The following ERI2 variants were observed in gnomAD, a reference collection of about 807,000 sequenced individuals.
ERI2 encodes ERI1 exoribonuclease family member 2.
A neutral mutation model predicts 46.8 loss-of-function variants in ERI2; 35 were observed. The ratio of observed to expected loss-of-function variants is 0.75; its 90% CI spans 0.57 to 0.99. ERI2 has a LOEUF of 0.99. ERI2 is among the 50% of genes least tolerant of loss of function. The probability of loss-of-function intolerance (pLI) is 0.00; values close to 1 mark genes in which losing one functional copy is unlikely to be tolerated. For missense variants in ERI2, 695 were observed against 796.2 expected, an observed-to-expected ratio of 0.87 and a Z score of 1.53; for synonymous variants, 224 against 271.0, an observed-to-expected ratio of 0.83 and a Z score of 1.70.
At position 20,799,317 on chromosome 16, in the gene ERI2, A is replaced by G. The variant is rs904968523; in HGVS notation, c.678T>C (p.Ala226=). ...CACAACCATCTCTGATCATTTTCCA[A>G]GCAAGAAGGGCAGTATTCCGAGAAT... ...LDDSRNTALL[A]WKMIRDGCVM... is the part of the protein sequence containing the mutation. Residue 226 remains alanine, a synonymous_variant, in exon 8 of 9, where the codon GCT becomes GCC. Coordinates refer to ENST00000357967, the MANE Select transcript of ERI2 (RefSeq NM_001142725.2). The G allele has an allele frequency of 4.0e-5, 64 of 1,613,666 alleles. No individual in the cohort carries two copies. Among genetic ancestry groups the G allele is most frequent in the Non-Finnish European group, 5.3e-5 (63 of 1,179,742 alleles).
intron 10 of ERI2, chr16:20,781,114 C>T (rs550153768): frequency 2.0e-5 from 32 of 1,613,880 alleles, no homozygotes; most frequent in East Asian, 4.5e-5. Context: ...CGTTTTGAGC[C>T]GACTTCTATC....
intron 1 of ERI2, among the ~76,000 whole-genome samples, chr16:20,805,494 G>A (rs1184402016): frequency 4.6e-5 from 7 of 151,782 alleles, no homozygotes; most frequent in South Asian, 2.1e-4. Flanking sequence ...TTCCTTCCCC[G>A]TCTAATTAGG....
In ERI2 at chr16:20,790,569, T is replaced by A; in HGVS notation, c.815+281A>T. On this transcript the variant is annotated intron_variant, in intron 9 of 10. Transcript: ENST00000300005. This position sits in a 1 kb window ranked among gnomAD's most constrained non-coding sequence, Gnocchi z 4.0. ...TAAACAAAAATTTCCTTAAATAAAT[T>A]GTTCTATTTTATCCTAGATTGTAGA... 3.1e-6 allele frequency: 5 copies of A among 1,591,440 alleles called. No individual in the cohort carries two copies. Among genetic ancestry groups the A allele is most frequent in the Non-Finnish European group, 3.4e-6 (4 of 1,164,950 alleles).
At chr16:20,793,482 T>A (rs2080649031), downstream of ERI2, among the ~76,000 whole-genome samples, 1 of 150,224 alleles carries the variant, frequency 6.7e-6, no homozygotes, top group African/African-American at 2.4e-5. Context: ...AAAATAAAAA[T>A]AAAAATAAAA....
At chr16:20,793,798 T>A (rs2080659320), downstream of ERI2, among the ~76,000 whole-genome samples, 1 of 152,230 alleles carries the variant, frequency 6.6e-6, no homozygotes, top group South Asian at 2.1e-4. Context: ...GAGTCTTAGC[T>A]CTTCCTGTAC....
At chr16:20,796,286 A>G, downstream of ERI2, 1 of 1,548,918 alleles carries the variant, frequency 6.5e-7, no homozygotes, top group Non-Finnish European at 8.7e-7. Context: ...CCAGGCATGT[A>G]GATTCTCAGA....
At chr16:20,788,920 T>C (rs1845480283) in intron 10 of ERI2, among the ~76,000 whole-genome samples, 1 of 152,226 alleles carries the variant, frequency 6.6e-6, no homozygotes, top group Admixed American at 6.5e-5. Flanking sequence ...TAGAATTCCT[T>C]TGCCATTTAA....
rs139768270 is a variant in ERI2 at position 20,790,265 on chromosome 16, T to C, written c.815+585A>G. 1.3e-3 allele frequency among the ~76,000 whole-genome samples: 205 copies of C among 152,218 alleles called. 1 individual carries two copies. Among genetic ancestry groups the C allele is most frequent in the African/African-American group, 4.7e-3 (197 of 41,552 alleles). ...CCAGGAACCAGCCTGGGCAACATAA[T>C]GAGTCCCTCATCCCTACAAAAAATA... On this transcript the variant is annotated intron_variant, in intron 9 of 10. Coordinates refer to the ERI2 transcript ENST00000300005. The surrounding 1 kb of genome is among the most constrained non-coding windows in gnomAD (Gnocchi z 4.0).
chr16:20,801,390 A>C, intron 4 of ERI2, 31 bp from the exon 5 acceptor site: 1 of 1,553,988 alleles, frequency 6.4e-7, no homozygotes, highest in Non-Finnish European at 8.7e-7. Context: ...GCTGAATTCA[A>C]CAATCAAATT....
intron 10 of ERI2, among the ~76,000 whole-genome samples, chr16:20,785,568 GAATGAAATAAGAACAAAA>G (rs973102557): frequency 2.7e-4 from 41 of 151,764 alleles, no homozygotes; most frequent in East Asian, 7.7e-4. Flanking sequence ...TAGAGGAAAT[GAATGAAATAAGAACAAAA>G]AATGAAATAA....
In ERI2 at chr16:20,798,317, C is replaced by T; in HGVS notation, c.1483G>A (p.Asp495Asn). Reference sequence around the variant, plus strand: ...TCAGGTAACTTAAAGGCAGAAATATCTGAACCTGGATCTTTGGCTTCTTTT... The same window carrying T: ...TCAGGTAACTTAAAGGCAGAAATATTTGAACCTGGATCTTTGGCTTCTTTT... ...NVKEAKDPGS[D>N]ISAFKLPEHK... is the part of the protein sequence containing the mutation. The change falls in exon 9 of 9, where the codon GAT (aspartate) becomes AAT (asparagine). Residue 495 changes from aspartate (D) to asparagine (N), a missense_variant. Transcript: ENST00000357967. The T allele has an allele frequency of 6.4e-7, 1 of 1,551,542 alleles. No homozygotes were observed. Among genetic ancestry groups the T allele is most frequent in the Non-Finnish European group, 8.7e-7 (1 of 1,146,896 alleles).
At chr16:20,792,125 T>G (rs749653596), downstream of ERI2, 7 of 1,614,036 alleles carry the variant, frequency 4.3e-6, no homozygotes, top group Admixed American at 1.2e-4. Context: ...CATATTATCC[T>G]CTGGGTAACT....
chr16:20,803,566 G>A, intron 2 of ERI2, 37 bp downstream of exon 2: 1 of 1,613,956 alleles, frequency 6.2e-7, no homozygotes, highest in Admixed American at 1.7e-5. Flanking sequence ...GAAAATGCAA[G>A]GCTACAAAAT....
At position 20,796,489 on chromosome 16, in the gene ERI2, G is replaced by GCACCTTACAAAATACAAATAA. The variant is rs1229347178; in HGVS notation, c.*1234_*1235insTTATTTGTATTTTGTAAGGTG. ...CAGCACCTTACAAATATCCCAGAAA[G>GCACCTTACAAAATACAAATAA]GTAGGCATCCTAATTATAACGAATA... On this transcript the variant is annotated 3_prime_UTR_variant, in exon 9 of 9. Coordinates refer to ENST00000357967, the MANE Select transcript of ERI2 (RefSeq NM_001142725.2). 6.2e-7 allele frequency: 1 copy of GCACCTTACAAAATACAAATAA among 1,611,364 alleles called. No homozygotes were observed. The highest frequency in any genetic ancestry group is 1.7e-5 in the Admixed American group (1 of 59,242).
chr16:20,781,169 A>T (rs373702963), intron 10 of ERI2: 63 of 1,606,736 alleles, frequency 3.9e-5, no homozygotes, highest in Non-Finnish European at 5.3e-5. Context: ...TTAGAAATGC[A>T]TTAAGCAGTA....
At chr16:20,787,895 G>A (rs193007181) in intron 10 of ERI2, among the ~76,000 whole-genome samples, 1 of 152,176 alleles carries the variant, frequency 6.6e-6, no homozygotes, top group Non-Finnish European at 1.5e-5. Flanking sequence ...AATACATCCT[G>A]AAGAACCACC....
chr16:20,802,578 T>C (rs1172107174), intron 4 of ERI2, among the ~76,000 whole-genome samples: 2 of 150,616 alleles, frequency 1.3e-5, no homozygotes, highest in East Asian at 3.9e-4. Context: ...ATTTAAATTT[T>C]TTTTTTTTTT....
chr16:20,783,791 A>G (rs2080406182), intron 10 of ERI2, among the ~76,000 whole-genome samples: 1 of 147,656 alleles, frequency 6.8e-6, no homozygotes, highest in Non-Finnish European at 1.5e-5. Context: ...AAACTGATAC[A>G]CATGTGTTCT....
downstream of ERI2, among the ~76,000 whole-genome samples, chr16:20,794,830 C>T (rs1460744048): frequency 6.6e-6 from 1 of 152,184 alleles, no homozygotes; most frequent in Non-Finnish European, 1.5e-5. Flanking sequence ...GTGACTTGAA[C>T]CCAGCTGTTC....
Sources: allele counts gnomAD v4.1 joint callset (sites outside exome capture counted in the v4.1 genomes callset), GRCh38; gene constraint gnomAD v4.1.1; non-coding constraint Gnocchi (gnomAD v3.1); transcripts MANE v1.5; gene names NCBI Gene and HGNC (gene_info 2026-07-23, HGNC 2026-07-21).